NPAS3: variants seen among roughly 807,000 people sequenced by gnomAD.
NPAS3 encodes neuronal PAS domain-containing protein 3.
A neutral mutation model predicts 73.1 loss-of-function variants in NPAS3; 14 were observed. The observed-to-expected ratio is 0.19, with a 90% CI of 0.13 to 0.30. The LOEUF (loss-of-function observed/expected upper bound fraction) is 0.30, where lower values mean the gene tolerates loss of function less well. Ranked by LOEUF, NPAS3 falls within the 10% of genes least tolerant of loss-of-function variation. The pLI is 1.00. For missense variants in NPAS3, 1,096 were observed against 1,250.0 expected, an observed-to-expected ratio of 0.88 and a Z score of 1.86; for synonymous variants, 620 against 541.5, an observed-to-expected ratio of 1.14 and a Z score of -2.01.
In NPAS3 at chr14:33,769,756, C is replaced by CTTTTTTTT. The variant is rs916953785; in HGVS notation, c.853-4562_853-4555dup. Among the ~76,000 whole-genome samples, 177 of 81,864 alleles carry CTTTTTTTT rather than the reference C, an allele frequency of 2.2e-3. 19 individuals are homozygous for CTTTTTTTT. The highest frequency in any genetic ancestry group is 2.7e-3 in the African/African-American group (59 of 21,460). 53.7% of individuals were successfully genotyped at this position (81,864 alleles called of 152,430 possible). A position where few individuals can be genotyped will look rare whatever the true frequency, so the allele number is the denominator to read the frequency against. ...CCTGAAAGACTTGGATTTTTTTTTT[C>CTTTTTTTT]TTTTTTTTTTTTTTTTTTTTTTTTT... On this transcript the variant is annotated intron_variant, in intron 7 of 11. Transcript: ENST00000356141.
chr14:33,459,142 G>C (rs992709814), intron 4 of NPAS3, among the ~76,000 whole-genome samples: 1 of 152,142 alleles, frequency 6.6e-6, no homozygotes, highest in Non-Finnish European at 1.5e-5. Context: ...GTAGCAGTGA[G>C]GACGACCAGA....
rs369651081 is a variant in NPAS3 at position 33,446,237 on chromosome 14, G to A, written c.468+78969G>A. ...AGGCCGGACTGCGGACTGCAGTGGC[G>A]CAATCTCGGCTCACTGCAAGCTCCG... On this transcript the variant is annotated intron_variant, in intron 4 of 11. Transcript: ENST00000356141. Among the ~76,000 whole-genome samples, 27 of 147,466 alleles carry A rather than the reference G, an allele frequency of 1.8e-4. No individual in the cohort carries two copies. The South Asian group carries it at 3.9e-3, about 21-fold the overall frequency.
At chr14:33,596,172 C>T (rs1474934129) in intron 5 of NPAS3, among the ~76,000 whole-genome samples, 1 of 152,186 alleles carries the variant, frequency 6.6e-6, no homozygotes, top group Non-Finnish European at 1.5e-5. Context: ...CAAAGGCCTG[C>T]TGCTTGTGAT....
At chr14:33,329,170 G>T (rs911061095) in intron 3 of NPAS3, among the ~76,000 whole-genome samples, 3 of 152,154 alleles carry the variant, frequency 2.0e-5, no homozygotes, top group Admixed American at 6.5e-5. Context: ...TAGTTGTTGA[G>T]CATATGCTGC....
intron 5 of NPAS3, among the ~76,000 whole-genome samples, chr14:33,592,668 T>C (rs1053626023): frequency 2.0e-5 from 3 of 152,182 alleles, no homozygotes; most frequent in Admixed American, 2.0e-4. Flanking sequence ...AGAATTTGCA[T>C]AGAGGCAGGA....
At chr14:33,523,634 G>T (rs2053659587) in intron 4 of NPAS3, among the ~76,000 whole-genome samples, 1 of 151,702 alleles carries the variant, frequency 6.6e-6, no homozygotes, top group African/African-American at 2.4e-5. Context: ...AAAAAAAATA[G>T]CCGGGCGTGG....
chr14:33,563,537 C>CACACACACACACACACACACAG, intron 5 of NPAS3, among the ~76,000 whole-genome samples: 26 of 119,652 alleles, frequency 2.2e-4, no homozygotes, highest in African/African-American at 7.1e-4. Context: ...CACACACACA[C>CACACACACACACACACACACAG]AGAGAGAGAG....
At chr14:33,389,861 A>G (rs1329635215) in intron 4 of NPAS3, among the ~76,000 whole-genome samples, 1 of 152,208 alleles carries the variant, frequency 6.6e-6, no homozygotes, top group African/African-American at 2.4e-5. Context: ...AAGTGCTGGT[A>G]AAATTCCATT....
At chr14:33,273,294 C>G (rs2041181358) in intron 3 of NPAS3, among the ~76,000 whole-genome samples, 1 of 152,148 alleles carries the variant, frequency 6.6e-6, no homozygotes, top group Non-Finnish European at 1.5e-5. Context: ...CTCTGCTGGC[C>G]TCCCTTAAAC....
chr14:33,204,445 A>G (rs1046374587), intron 2 of NPAS3, among the ~76,000 whole-genome samples: 1 of 152,160 alleles, frequency 6.6e-6, no homozygotes, highest in African/African-American at 2.4e-5. Flanking sequence ...AGACCCCAAG[A>G]TACCATCTAT....
At chr14:32,947,867 A>G (rs1201298827) in intron 1 of NPAS3, among the ~76,000 whole-genome samples, 1 of 152,046 alleles carries the variant, frequency 6.6e-6, no homozygotes, top group Non-Finnish European at 1.5e-5. Context: ...TGTCATAGAT[A>G]AATTTGCTTG....
intron 3 of NPAS3, among the ~76,000 whole-genome samples, chr14:33,271,068 A>C (rs8010869): frequency 6.6e-6 from 1 of 152,016 alleles, no homozygotes; most frequent in Middle Eastern, 3.4e-3. Context: ...ATACAGAGAA[A>C]CCGTCTGTTT....
At chr14:33,696,595 A>T (rs1473619555) in intron 6 of NPAS3, among the ~76,000 whole-genome samples, 1 of 152,044 alleles carries the variant, frequency 6.6e-6, no homozygotes, top group Admixed American at 6.6e-5. Flanking sequence ...GGATTTTTAT[A>T]CTCTAATACC....
chr14:33,113,697 A>G (rs2042970520), intron 2 of NPAS3, among the ~76,000 whole-genome samples: 1 of 152,168 alleles, frequency 6.6e-6, no homozygotes, highest in African/African-American at 2.4e-5. Context: ...AGAACTTCCA[A>G]CACTATATTG....
chr14:33,558,842 C>T (rs994426295), intron 4 of NPAS3, among the ~76,000 whole-genome samples: 1 of 132,808 alleles, frequency 7.5e-6, no homozygotes, highest in African/African-American at 3.2e-5. Context: ...TTTGCAAATT[C>T]ACGGCCTTTT....
In NPAS3 at chr14:33,287,753, A is replaced by G. The variant is rs564035806; in HGVS notation, c.385+72327A>G. Among the ~76,000 whole-genome samples the G allele has an allele frequency of 2.8e-4, 43 of 152,238 alleles. 1 individual carries two copies. The South Asian group carries it at 4.6e-3, about 16-fold the overall frequency. ...ATTCAGAGCTAATAATTCATTTTCT[A>G]TATGAGAAAATGGATACTGAGACCA... On this transcript the variant is annotated intron_variant, in intron 3 of 11. Coordinates refer to ENST00000356141, the Ensembl canonical transcript of NPAS3.
At chr14:32,956,443 A>G (rs1384067716) in intron 1 of NPAS3, among the ~76,000 whole-genome samples, 1 of 152,198 alleles carries the variant, frequency 6.6e-6, no homozygotes, top group Non-Finnish European at 1.5e-5. Context: ...GCTCCTCACC[A>G]TGATTGATTG....
chr14:33,290,847 C>T (rs757318227), intron 3 of NPAS3, among the ~76,000 whole-genome samples: 1 of 152,148 alleles, frequency 6.6e-6, no homozygotes, highest in Non-Finnish European at 1.5e-5. Flanking sequence ...TCTGCATAAT[C>T]CCTTTGTAAT....
At chr14:33,379,458 A>G (rs571644172) in intron 4 of NPAS3, among the ~76,000 whole-genome samples, 1 of 152,160 alleles carries the variant, frequency 6.6e-6, no homozygotes, top group East Asian at 1.9e-4. Context: ...AATATCTGCA[A>G]ATCTTTGCCA....
Sources: gnomAD v4.1 joint callset for allele counts (sites outside exome capture counted in the v4.1 genomes callset) on GRCh38, gnomAD v4.1.1 for gene constraint, MANE v1.5 for transcripts, NCBI Gene and HGNC (gene_info 2026-07-23, HGNC 2026-07-21) for gene names.